The following EPDR1 variants were observed in gnomAD, a reference collection of about 807,000 sequenced individuals.
EPDR1 encodes the protein mammalian ependymin-related protein 1.
EPDR1 carries 27 observed loss-of-function variants against 23.7 expected under a neutral mutation model. That is an observed-to-expected ratio of 1.14 (90% CI 0.84 to 1.57). The LOEUF (loss-of-function observed/expected upper bound fraction) is 1.57. Ranked by LOEUF, EPDR1 falls within the 40% of genes most tolerant of loss-of-function variation. The pLI, the probability that EPDR1 is intolerant of heterozygous loss-of-function variation, is 0.00. For missense variants in EPDR1, 349 were observed against 290.4 expected, an observed-to-expected ratio of 1.20 and a Z score of -1.47; for synonymous variants, 137 against 118.2, an observed-to-expected ratio of 1.16 and a Z score of -1.03.
chr7:37,939,891 A>C (rs1289871223), intron 1 of EPDR1, among the ~76,000 whole-genome samples: 1 of 152,238 alleles, frequency 6.6e-6, no homozygotes, highest in East Asian at 1.9e-4. Flanking sequence ...AAATCTGGTA[A>C]TATTTAACAA....
At chr7:37,928,264 A>C (rs1185833162) in intron 1 of EPDR1, among the ~76,000 whole-genome samples, 1 of 152,228 alleles carries the variant, frequency 6.6e-6, no homozygotes. Flanking sequence ...AAAGTGCCCA[A>C]AGATCTGAAA....
intron 1 of EPDR1, among the ~76,000 whole-genome samples, chr7:37,924,580 C>T (rs1181780958): frequency 4.6e-5 from 7 of 152,148 alleles, no homozygotes; most frequent in Admixed American, 1.3e-4. Context: ...GCATTTTTGT[C>T]CCTTTGCGGT....
At chr7:37,946,519 A>C (rs983899848) in intron 1 of EPDR1, among the ~76,000 whole-genome samples, 1 of 152,194 alleles carries the variant, frequency 6.6e-6, no homozygotes, top group Non-Finnish European at 1.5e-5. Flanking sequence ...TGTTGGCCAC[A>C]TGTATGTAAT....
At chr7:37,921,250 C>A in intron 1 of EPDR1, 42 bp downstream of exon 1, 1 of 1,546,744 alleles carries the variant, frequency 6.5e-7, no homozygotes, top group South Asian at 1.2e-5. Flanking sequence ...GGGAGCCGCG[C>A]GGGCATGGGG....
At chr7:37,932,275 C>A (rs958177179) in intron 1 of EPDR1, among the ~76,000 whole-genome samples, 3 of 152,068 alleles carry the variant, frequency 2.0e-5, no homozygotes, top group African/African-American at 7.2e-5. Flanking sequence ...GCCATGACTG[C>A]ATTTTTAATT....
intron 1 of EPDR1, among the ~76,000 whole-genome samples, chr7:37,940,333 G>A (rs1786145980): frequency 6.6e-6 from 1 of 152,136 alleles, no homozygotes; most frequent in Non-Finnish European, 1.5e-5. Flanking sequence ...AGGGGAACTT[G>A]CCTCAACGTA....
At chr7:37,934,753 G>A (rs1786015269) in intron 1 of EPDR1, among the ~76,000 whole-genome samples, 1 of 152,088 alleles carries the variant, frequency 6.6e-6, no homozygotes, top group East Asian at 1.9e-4. Flanking sequence ...AGACCACCCT[G>A]GGTAATATGA....
At chr7:37,921,496 C>T (rs1254397956) in intron 1 of EPDR1, 3 of 1,338,736 alleles carry the variant, frequency 2.2e-6, no homozygotes, top group Admixed American at 3.7e-5. Flanking sequence ...TGCAGAGTGC[C>T]CCATGCCCAG....
At chr7:37,930,242 C>T (rs1785907498) in intron 1 of EPDR1, among the ~76,000 whole-genome samples, 5 of 152,164 alleles carry the variant, frequency 3.3e-5, no homozygotes, top group South Asian at 2.1e-4. Flanking sequence ...GAGTCACAGC[C>T]CCAGCTCTCT....
At chr7:37,941,489 C>G (rs1786171569) in intron 1 of EPDR1, among the ~76,000 whole-genome samples, 1 of 152,186 alleles carries the variant, frequency 6.6e-6, no homozygotes, top group African/African-American at 2.4e-5. Flanking sequence ...TCACCAATGA[C>G]ATGTTATTTA....
intron 1 of EPDR1, among the ~76,000 whole-genome samples, chr7:37,931,084 T>C (rs563001012): frequency 1.3e-5 from 2 of 152,270 alleles, no homozygotes; most frequent in East Asian, 3.9e-4. Flanking sequence ...ACACTAAGGT[T>C]GCATACTTTC....
At chr7:37,944,215 C>G (rs954633025) in intron 1 of EPDR1, among the ~76,000 whole-genome samples, 2 of 152,214 alleles carry the variant, frequency 1.3e-5, no homozygotes, top group Non-Finnish European at 2.9e-5. Context: ...TCCCAGTTTG[C>G]TAGTGCTTCT....
chr7:37,933,487 G>A (rs1162523038), intron 1 of EPDR1, among the ~76,000 whole-genome samples: 1 of 152,254 alleles, frequency 6.6e-6, no homozygotes, highest in Non-Finnish European at 1.5e-5. Context: ...TATGCTGTGA[G>A]CCTCATATTT....
chr7:37,925,193 T>G (rs748122084), intron 1 of EPDR1, among the ~76,000 whole-genome samples: 3 of 152,220 alleles, frequency 2.0e-5, no homozygotes, highest in Non-Finnish European at 4.4e-5. Flanking sequence ...AGAAGATGAT[T>G]TTCATATTTC....
chr7:37,950,079 C>A (rs987297148), intron 2 of EPDR1, 121 bp from the exon 3 acceptor site: 3 of 719,026 alleles, frequency 4.2e-6, no homozygotes, highest in African/African-American at 1.8e-5. Context: ...TCAAGGCCAC[C>A]AAACACTTAA....
intron 1 of EPDR1, among the ~76,000 whole-genome samples, chr7:37,936,614 G>T (rs1786058250): frequency 6.6e-6 from 1 of 151,998 alleles, no homozygotes. Context: ...ATAAAAGTAA[G>T]GTGGCTATAT....
chr7:37,929,447 C>G (rs1366999808), intron 1 of EPDR1, among the ~76,000 whole-genome samples: 2 of 152,134 alleles, frequency 1.3e-5, no homozygotes, highest in African/African-American at 2.4e-5. Flanking sequence ...AAGGCGATTC[C>G]CAAGCTCCAT....
chr7:37,939,232 G>A (rs1254571611), intron 1 of EPDR1, among the ~76,000 whole-genome samples: 3 of 151,964 alleles, frequency 2.0e-5, no homozygotes, highest in Non-Finnish European at 4.4e-5. Context: ...GCCTGCCTCG[G>A]CCTCCCAAAG....
chr7:37,928,874 C>T (rs544190761), intron 1 of EPDR1, among the ~76,000 whole-genome samples: 1 of 152,298 alleles, frequency 6.6e-6, no homozygotes, highest in South Asian at 2.1e-4. Context: ...TATGTCTCGG[C>T]TGGATGTTTA....
Sources: allele counts gnomAD v4.1 joint callset (sites outside exome capture counted in the v4.1 genomes callset), GRCh38; gene constraint gnomAD v4.1.1; transcripts MANE v1.5; gene names NCBI Gene and HGNC (gene_info 2026-07-23, HGNC 2026-07-21).